The following TTF1 variants were observed in gnomAD, a reference collection of about 807,000 sequenced individuals.
TTF1 encodes transcription termination factor 1, also known as transcription termination factor, RNA polymerase I.
A neutral mutation model predicts 80.2 loss-of-function variants in TTF1; 64 were observed. The observed-to-expected ratio is 0.80, with a 90% CI of 0.65 to 0.98. The LOEUF (loss-of-function observed/expected upper bound fraction) is 0.98, where lower values mean the gene tolerates loss of function less well. Ranked by LOEUF, TTF1 falls within the 50% of genes least tolerant of loss-of-function variation. TTF1 has a pLI of 0.00. For synonymous variants in TTF1, 372 were observed against 382.7 expected (o/e 0.97, Z 0.33); for missense variants, 1,023 against 1,086.2 (o/e 0.94, Z 0.82).
chr9:132,385,755 C>T (rs1018787615), intron 9 of TTF1, among the ~76,000 whole-genome samples: 2 of 148,066 alleles, frequency 1.4e-5, no homozygotes, highest in East Asian at 4.0e-4. Context: ...AGTCTCTTCC[C>T]AGAACTAAAT....
chr9:132,388,652 T>C (rs148143296), intron 7 of TTF1, among the ~76,000 whole-genome samples: 2 of 152,268 alleles, frequency 1.3e-5, no homozygotes, highest in East Asian at 3.9e-4. Context: ...TCAATGTATT[T>C]TGACTATCTA....
chr9:132,377,653 G>GTGTGTGTGAGTGCA (rs1491149295), intron 10 of TTF1, among the ~76,000 whole-genome samples: 2 of 2,000 alleles, frequency 1.0e-3, no homozygotes, highest in African/African-American at 1.8e-3. Flanking sequence ...AATGCATGTG[G>GTGTGTGTGAGTGCA]TGTGTGTGAG....
In TTF1 at chr9:132,376,146, C is replaced by T. The variant is rs1849172487; in HGVS notation, c.2487G>A (p.Glu829=). The change falls in exon 11 of 11, where the codon GAG becomes GAA. Residue 829 remains glutamate, a synonymous_variant. Transcript: ENST00000334270. ...TTTCCTTCAGCAAAGGTAGAGTCGT[C>T]TCATAAAGGTAGTCGATGATCTCTA... ...TFPEIIDYLY[E]TTLPLLKEKL... 1.2e-6 allele frequency: 2 copies of T among 1,613,582 alleles called. No individual in the cohort carries two copies. The highest frequency in any genetic ancestry group is 2.7e-5 in the African/African-American group (2 of 74,958).
intron 9 of TTF1, among the ~76,000 whole-genome samples, chr9:132,383,233 AGTAAG>A (rs905436341): frequency 7.2e-6 from 1 of 138,018 alleles, no homozygotes; most frequent in Non-Finnish European, 1.6e-5. Context: ...TGGGCAACAG[AGTAAG>A]ACTCTTGTCT....
At chr9:132,404,306 G>A (rs1053534298) in intron 1 of TTF1, among the ~76,000 whole-genome samples, 11 of 152,004 alleles carry the variant, frequency 7.2e-5, no homozygotes, top group African/African-American at 1.9e-4. Flanking sequence ...TAATTTATCC[G>A]GGGTAGTAAA....
In TTF1 at chr9:132,386,200, G is replaced by C. The variant is rs192730982; in HGVS notation, c.2378+356C>G. The stretch of plus-strand genomic sequence containing the variant: ...TAGGAGGGAGGTGGGTGGGCCATAG[G>C]TATTATGCTCTAGCTAAAATCTGTA... On this transcript the variant is annotated intron_variant, in intron 9 of 10. Transcript: ENST00000334270. 9.9e-5 allele frequency among the ~76,000 whole-genome samples: 15 copies of C among 152,196 alleles called. No individual in the cohort carries two copies. In the East Asian group the frequency reaches 2.3e-3, roughly 23 times the overall value.
rs933849676 is a variant in TTF1, at chr9:132,399,905, G to C, written c.1591+130C>G. On this transcript the variant is annotated intron_variant, in intron 3 of 10. Transcript: ENST00000334270. ...TTTTACAGCTTGGACAATTCTGGTAGGAGATAGAGGTGAAGGAGGAGAAAG... is the reference window on the plus strand; with the variant it reads ...TTTTACAGCTTGGACAATTCTGGTACGAGATAGAGGTGAAGGAGGAGAAAG... The C allele has an allele frequency of 1.1e-5, 11 of 958,634 alleles. No individual in the cohort carries two copies. In the South Asian group the frequency reaches 1.6e-4, roughly 14 times the overall value. The allele number at this position is 958,634 out of a possible 1,614,324, so 59.4% of individuals were successfully genotyped here.
rs190084567 is a variant in TTF1 at position 132,382,452 on chromosome 9, G to A, written c.2379-3308C>T. Among the ~76,000 whole-genome samples the A allele has an allele frequency of 3.1e-4, 47 of 152,284 alleles. 1 individual carries two copies. The South Asian group carries it at 9.1e-3, about 30-fold the overall frequency. On this transcript the variant is annotated intron_variant, in intron 9 of 10. Coordinates refer to ENST00000334270, the MANE Select transcript of TTF1 (RefSeq NM_007344.4). Reference sequence around the variant, plus strand: ...AAACGAGAATTATGTACCTTGTGACGTAATGCAGTGATAGCAAACATCAGG... The same window carrying A: ...AAACGAGAATTATGTACCTTGTGACATAATGCAGTGATAGCAAACATCAGG...
At chr9:132,385,250 A>G (rs1424975441) in intron 9 of TTF1, among the ~76,000 whole-genome samples, 1 of 152,034 alleles carries the variant, frequency 6.6e-6, no homozygotes, top group Non-Finnish European at 1.5e-5. Flanking sequence ...CAGACCCCAC[A>G]CCAGACCAAT....
In TTF1 at chr9:132,402,771, C is replaced by T. The variant is rs1217077286; in HGVS notation, c.51G>A (p.Lys17=). 1.9e-6 allele frequency: 3 copies of T among 1,600,698 alleles called. No homozygotes were observed. The highest frequency in any genetic ancestry group is 4.5e-5 in the East Asian group (2 of 44,852). ...TATGTATAGAACACTTTTTCTTTTT[C>T]TTGTCAGAAACTGGAGTGTGGATTT... The part of the protein sequence containing the change: ...RFEIHTPVSD[K]KKKKCSIHKE... Residue 17 remains lysine (K), a synonymous_variant, in exon 2 of 11, where the codon AAG becomes AAA. Coordinates refer to ENST00000334270, the MANE Select transcript of TTF1 (RefSeq NM_007344.4).
Position 132,402,788 on chromosome 9 carries a change from T to C in TTF1, c.34A>G (p.Thr12Ala). Reference protein sequence around the residue: ...EGESSRFEIHTPVSDKKKKKC... With the variant: ...EGESSRFEIHAPVSDKKKKKC... The stretch of plus-strand genomic sequence containing the variant: ...TTCTTTTTCTTGTCAGAAACTGGAG[T>C]GTGGATTTCAAATCTGCTTGATTCT... Residue 12 changes from threonine (T) to alanine (A), a missense_variant, in exon 2 of 11, where the codon ACT becomes GCT. By Grantham distance (58) the Thr-to-Ala change is moderately conservative. Coordinates refer to ENST00000334270, the MANE Select transcript of TTF1 (RefSeq NM_007344.4). 6.3e-7 allele frequency: 1 copy of C among 1,591,606 alleles called. No individual in the cohort carries two copies. The highest frequency in any genetic ancestry group is 1.1e-5 in the South Asian group (1 of 87,052).
intron 3 of TTF1, among the ~76,000 whole-genome samples, chr9:132,399,610 A>C (rs1849722659): frequency 6.6e-6 from 1 of 152,214 alleles, no homozygotes; most frequent in Non-Finnish European, 1.5e-5. Flanking sequence ...AGTGAAATCA[A>C]GAAGGTGATC....
intron 5 of TTF1, among the ~76,000 whole-genome samples, chr9:132,394,220 G>A (rs937268399): frequency 6.6e-6 from 1 of 151,582 alleles, no homozygotes; most frequent in African/African-American, 2.4e-5. Flanking sequence ...CAATAACATC[G>A]GAGCATTTTC....
Position 132,390,670 on chromosome 9 carries a change from A to T in TTF1, c.2149T>A (p.Tyr717Asn), listed in dbSNP as rs776199819. 7 of 1,614,116 alleles carry T rather than the reference A, an allele frequency of 4.3e-6. No individual in the cohort carries two copies. The change falls in exon 7 of 11, where the codon TAC becomes AAC. Residue 717 changes from tyrosine (Y) to asparagine (N), a missense_variant. Physicochemically the swap from Tyr to Asn is moderately radical, Grantham distance 143. Coordinates refer to ENST00000334270, the MANE Select transcript of TTF1 (RefSeq NM_007344.4). ...ACTTCTACCCAAGATATGCCCTTGT[A>T]GAGTTTTTCCCGAACAATTGATAGG... is the stretch of plus-strand genomic sequence containing the variant. ...SCLSIVREKL[Y>N]KGISWVEVEA... is the part of the protein sequence containing the mutation.
intron 5 of TTF1, among the ~76,000 whole-genome samples, chr9:132,393,680 C>G (rs1214684283): frequency 2.6e-5 from 4 of 152,206 alleles, no homozygotes; most frequent in Non-Finnish European, 5.9e-5. Flanking sequence ...CTCTATATTT[C>G]TGTGTGTGTG....
In TTF1 at chr9:132,390,626, G is replaced by C. The variant is rs148882175; in HGVS notation, c.2193C>G (p.Thr731=). 8.1e-5 allele frequency: 130 copies of C among 1,614,156 alleles called. No homozygotes were observed. In the African/African-American group the frequency reaches 1.6e-3, roughly 20 times the overall value. ...TACTTTTACACTGCATCCAATTTCT[G>C]GTTTGCACTTTAGCTTCTACTTCTA... ...SWVEVEAKVQ[T]RNWMQCKSKW... The change falls in exon 7 of 11, where the codon ACC becomes ACG. Residue 731 remains threonine, a synonymous_variant. Transcript: ENST00000334270.
intron 1 of TTF1, among the ~76,000 whole-genome samples, chr9:132,405,501 C>T (rs1849850626): frequency 6.6e-6 from 1 of 152,270 alleles, no homozygotes; most frequent in Admixed American, 6.5e-5. Context: ...AGCCACAGCG[C>T]CCGGCCTTGA....
At chr9:132,391,064 G>A (rs1026128590) in intron 6 of TTF1, among the ~76,000 whole-genome samples, 1 of 152,262 alleles carries the variant, frequency 6.6e-6, no homozygotes, top group East Asian at 1.9e-4. Context: ...TTAAAGCAAT[G>A]TTTTATTTAT....
In TTF1 at chr9:132,391,851, C is replaced by T. The variant is rs1438440775; in HGVS notation, c.1987+225G>A. On this transcript the variant is annotated intron_variant, in intron 6 of 10. Coordinates refer to ENST00000334270, the MANE Select transcript of TTF1 (RefSeq NM_007344.4). ...CACTTGGCAGTTATATTTGCACGGA[C>T]AGTTACTGAAGTGTGGTAAAAACCA... Among the ~76,000 whole-genome samples the T allele has an allele frequency of 2.0e-5, 3 of 152,190 alleles. No homozygotes were observed. In the East Asian group the frequency reaches 5.8e-4, roughly 29 times the overall value.
Sources: allele counts gnomAD v4.1 joint callset (sites outside exome capture counted in the v4.1 genomes callset), GRCh38; gene constraint gnomAD v4.1.1; transcripts MANE v1.5; gene names NCBI Gene and HGNC (gene_info 2026-07-23, HGNC 2026-07-21).